The following LRRTM4 variants were observed in gnomAD, a reference collection of about 807,000 sequenced individuals.
LRRTM4 encodes leucine-rich repeat transmembrane neuronal protein 4.
A neutral mutation model predicts 47.6 loss-of-function variants in LRRTM4; 25 were observed. The observed-to-expected ratio is 0.53, with a 90% CI of 0.38 to 0.73. The LOEUF (loss-of-function observed/expected upper bound fraction) is 0.73. LRRTM4 is among the 30% of genes least tolerant of loss of function. The probability of loss-of-function intolerance (pLI) is 0.00; values close to 1 mark genes in which losing one functional copy is unlikely to be tolerated. For synonymous variants in LRRTM4, 311 were observed against 269.5 expected, an observed-to-expected ratio of 1.15 and a Z score of -1.51; for missense variants, 638 against 713.4, an observed-to-expected ratio of 0.89 and a Z score of 1.20.
chr2:77,147,346 C>T (rs1450566411), intron 3 of LRRTM4, among the ~76,000 whole-genome samples: 1 of 152,164 alleles, frequency 6.6e-6, no homozygotes, highest in Non-Finnish European at 1.5e-5. Context: ...GACAATAAAA[C>T]ATATGTTCCA....
intron 3 of LRRTM4, among the ~76,000 whole-genome samples, chr2:77,244,647 T>C (rs190482447): frequency 6.6e-6 from 1 of 152,164 alleles, no homozygotes; most frequent in East Asian, 1.9e-4. Flanking sequence ...TAGGCTAGAC[T>C]TAGAAGTTCA....
chr2:77,433,091 A>G (rs750782651), intron 3 of LRRTM4, among the ~76,000 whole-genome samples: 6 of 152,204 alleles, frequency 3.9e-5, no homozygotes, highest in Admixed American at 6.5e-5. Flanking sequence ...TACAGCTTTT[A>G]GACAGTTTTC....
chr2:77,123,249 T>A (rs1036410755), intron 3 of LRRTM4, among the ~76,000 whole-genome samples: 7 of 111,100 alleles, frequency 6.3e-5, no homozygotes, highest in African/African-American at 2.5e-4. Context: ...GAGAGAAATT[T>A]AATTCATAAT....
At chr2:77,491,096 AACAG>A (rs747593111) in intron 3 of LRRTM4, among the ~76,000 whole-genome samples, 9 of 152,052 alleles carry the variant, frequency 5.9e-5, no homozygotes, top group East Asian at 1.9e-4. Flanking sequence ...GAGAGAGAGA[AACAG>A]ACAGAGAGAG....
intron 3 of LRRTM4, among the ~76,000 whole-genome samples, chr2:77,263,438 C>G (rs1675970502): frequency 6.6e-6 from 1 of 152,076 alleles, no homozygotes; most frequent in South Asian, 2.1e-4. Context: ...ATCTGGAGAC[C>G]TACTGCTTTG....
At chr2:77,206,387 G>A (rs564407639) in intron 3 of LRRTM4, among the ~76,000 whole-genome samples, 16 of 151,616 alleles carry the variant, frequency 1.1e-4, no homozygotes, top group Admixed American at 2.0e-4. Flanking sequence ...CCATGTTGGC[G>A]AGGCTGAGGC....
chr2:77,367,516 G>T (rs1672507209), intron 3 of LRRTM4, among the ~76,000 whole-genome samples: 1 of 151,740 alleles, frequency 6.6e-6, no homozygotes, highest in African/African-American at 2.4e-5. Flanking sequence ...TATTCCATCT[G>T]CTGTTTTCAC....
chr2:76,936,221 A>C (rs1209236758), intron 3 of LRRTM4, among the ~76,000 whole-genome samples: 1 of 152,196 alleles, frequency 6.6e-6, no homozygotes, highest in East Asian at 1.9e-4. Context: ...GGATAAAGAA[A>C]ATATGGTGCA....
chr2:77,500,009 C>G (rs1452606580), intron 3 of LRRTM4, among the ~76,000 whole-genome samples: 1 of 151,668 alleles, frequency 6.6e-6, no homozygotes, highest in Non-Finnish European at 1.5e-5. Flanking sequence ...AGTGATACTT[C>G]TTTTTATAGC....
At chr2:77,215,458 T>C (rs1674410013) in intron 3 of LRRTM4, among the ~76,000 whole-genome samples, 3 of 152,206 alleles carry the variant, frequency 2.0e-5, no homozygotes, top group African/African-American at 7.2e-5. Flanking sequence ...GAAAATGTCA[T>C]GGGCTAATTA....
rs567071673 is a variant in LRRTM4 at position 77,031,721 on chromosome 2, CTAA to C, written c.1552-282808_1552-282806del. Among the ~76,000 whole-genome samples the C allele has an allele frequency of 2.6e-4, 40 of 151,604 alleles. No homozygotes were observed. In the East Asian group the frequency reaches 5.3e-3, roughly 20 times the overall value. ...GTCAATAATGAACACCATGTGATCT[CTAA>C]CTATATCTTTGTGTGTGCGTGTGTG... On this transcript the variant is annotated intron_variant, in intron 3 of 3. Transcript: ENST00000409884.
At chr2:77,049,104 T>C (rs112940832) in intron 3 of LRRTM4, among the ~76,000 whole-genome samples, 16,533 of 131,058 alleles carry the variant, frequency 0.13, 1,329 homozygotes, top group Admixed American at 0.2. Flanking sequence ...TTTTTTTGAC[T>C]AAATAATATT....
chr2:76,759,631 A>ATG (rs143777731), intron 3 of LRRTM4, among the ~76,000 whole-genome samples: 111 of 151,560 alleles, frequency 7.3e-4, no homozygotes, highest in African/African-American at 1.9e-3. Context: ...GCTATTGTAT[A>ATG]TGTGTGTGTG....
intron 3 of LRRTM4, among the ~76,000 whole-genome samples, chr2:76,787,852 G>A (rs1338482343): frequency 6.6e-6 from 1 of 152,048 alleles, no homozygotes; most frequent in East Asian, 1.9e-4. Flanking sequence ...CAGTCCTTTA[G>A]GCAAATTTGT....
At chr2:76,851,627 C>T (rs887066793) in intron 3 of LRRTM4, among the ~76,000 whole-genome samples, 1 of 152,012 alleles carries the variant, frequency 6.6e-6, no homozygotes. Context: ...AATTGCTTGA[C>T]CTCCCCAGGG....
intron 3 of LRRTM4, among the ~76,000 whole-genome samples, chr2:76,784,560 A>G (rs569730638): frequency 1.2e-4 from 18 of 152,208 alleles, no homozygotes; most frequent in African/African-American, 4.3e-4. Flanking sequence ...CATAAAGTAA[A>G]TAAATGCAAT....
intron 3 of LRRTM4, among the ~76,000 whole-genome samples, chr2:77,362,366 A>G (rs1362573711): frequency 6.6e-6 from 1 of 152,214 alleles, no homozygotes; most frequent in Non-Finnish European, 1.5e-5. Flanking sequence ...TAAAGTACAT[A>G]GTTCTAAGTA....
intron 3 of LRRTM4, among the ~76,000 whole-genome samples, chr2:77,372,242 G>T (rs1672680602): frequency 6.6e-6 from 1 of 151,704 alleles, no homozygotes; most frequent in African/African-American, 2.4e-5. Context: ...AAGGCATTTT[G>T]TTATATAAAC....
At chr2:77,427,991 T>C (rs1211511288) in intron 3 of LRRTM4, among the ~76,000 whole-genome samples, 3 of 152,168 alleles carry the variant, frequency 2.0e-5, no homozygotes, top group Admixed American at 6.6e-5. Flanking sequence ...TGGGAAGTAA[T>C]TGAACCATAG....
Sources: gnomAD v4.1 joint callset for allele counts (sites outside exome capture counted in the v4.1 genomes callset) on GRCh38, gnomAD v4.1.1 for gene constraint, MANE v1.5 for transcripts, NCBI Gene and HGNC (gene_info 2026-07-23, HGNC 2026-07-21) for gene names.